CD9: variants seen among roughly 807,000 people sequenced by gnomAD.
CD9 encodes CD9 molecule.
Under a neutral mutation model 31.4 loss-of-function variants are expected in CD9, and 10 were observed. The observed-to-expected ratio is 0.32, with a 90% confidence interval of 0.20 to 0.54. The LOEUF is 0.54. Ranked by LOEUF, CD9 falls within the 20% of genes least tolerant of loss-of-function variation. The pLI, the probability that CD9 is intolerant of heterozygous loss-of-function variation, is 0.94. For synonymous variants in CD9, 113 were observed against 114.1 expected (o/e 0.99, Z 0.06); for missense variants, 259 against 300.1 (o/e 0.86, Z 1.01).
intron 1 of CD9, among the ~76,000 whole-genome samples, chr12:6,201,994 C>T (rs797775): frequency 0.4 from 60,598 of 151,992 alleles, 12,810 homozygotes; most frequent in Admixed American, 0.52. Flanking sequence ...GTCATGATTG[C>T]ACCACTGCAC....
At chr12:6,236,055 C>A in intron 6 of CD9, 137 bp from the exon 7 acceptor site, 2 of 1,457,880 alleles carry the variant, frequency 1.4e-6, no homozygotes, top group South Asian at 2.9e-5. Context: ...CAGAACTTCT[C>A]TTATCCCCGA....
chr12:6,200,768 G>A (rs865991183), intron 1 of CD9: 1 of 463,510 alleles, frequency 2.2e-6, no homozygotes, highest in Non-Finnish European at 3.8e-6. Context: ...GGGCGCATTC[G>A]GGTGGGGGCT....
intron 4 of CD9, among the ~76,000 whole-genome samples, chr12:6,233,873 T>C (rs551643304): frequency 6.6e-6 from 1 of 151,194 alleles, no homozygotes; most frequent in South Asian, 2.1e-4. Context: ...ATAAATAACA[T>C]GTTCAAGTGC....
At chr12:6,235,924 C>A (rs539925507) in intron 6 of CD9, 1 of 1,391,982 alleles carries the variant, frequency 7.2e-7, no homozygotes, top group Non-Finnish European at 9.3e-7. Flanking sequence ...GGTGACCTTA[C>A]AACCATGTCA....
chr12:6,225,727 T>C, intron 2 of CD9, 193 bp downstream of exon 2: 1 of 582,878 alleles, frequency 1.7e-6, no homozygotes, highest in Non-Finnish European at 3.1e-6. Flanking sequence ...TGCGTTTAAC[T>C]GATGTGGTTT....
At chr12:6,214,602 C>G (rs1174683740) in intron 1 of CD9, among the ~76,000 whole-genome samples, 3 of 152,100 alleles carry the variant, frequency 2.0e-5, no homozygotes, top group African/African-American at 7.2e-5. Context: ...GCCCCCCTCT[C>G]AGCCTCCCAA....
At chr12:6,212,558 G>GC (rs1946203997) in intron 1 of CD9, among the ~76,000 whole-genome samples, 1 of 152,174 alleles carries the variant, frequency 6.6e-6, no homozygotes, top group Non-Finnish European at 1.5e-5. Flanking sequence ...CCACCCAGGA[G>GC]CCCCCCAGCT....
At chr12:6,215,862 A>G (rs10774418) in intron 1 of CD9, among the ~76,000 whole-genome samples, 17,222 of 152,164 alleles carry the variant, frequency 0.11, 1,134 homozygotes, top group African/African-American at 0.19. Flanking sequence ...AGTCGTGGCA[A>G]TTTCTTCTGC....
intron 1 of CD9, among the ~76,000 whole-genome samples, chr12:6,219,693 G>A (rs1049392806): frequency 2.6e-5 from 4 of 151,868 alleles, no homozygotes; most frequent in Non-Finnish European, 4.4e-5. Flanking sequence ...CATCATGTTA[G>A]CCAGGATGGT....
At chr12:6,218,567 G>A (rs1054848236) in intron 1 of CD9, among the ~76,000 whole-genome samples, 2 of 152,196 alleles carry the variant, frequency 1.3e-5, no homozygotes, top group African/African-American at 4.8e-5. Flanking sequence ...TGCACACTTG[G>A]CATAGAGTCC....
chr12:6,223,336 A>G (rs2136621923), intron 1 of CD9, among the ~76,000 whole-genome samples: 1 of 149,098 alleles, frequency 6.7e-6, no homozygotes, highest in South Asian at 2.1e-4. Flanking sequence ...ATCTCCGCTC[A>G]CTGCAAGCTC....
At chr12:6,228,204 G>A (rs907679573) in intron 2 of CD9, among the ~76,000 whole-genome samples, 3 of 152,158 alleles carry the variant, frequency 2.0e-5, no homozygotes, top group African/African-American at 7.2e-5. Flanking sequence ...CAGAAGCGCC[G>A]GCAAGGGGGA....
chr12:6,211,984 T>G (rs746769858), intron 1 of CD9, among the ~76,000 whole-genome samples: 16 of 152,176 alleles, frequency 1.1e-4, no homozygotes, highest in Non-Finnish European at 1.9e-4. Context: ...GACTTTGTCC[T>G]TGAAAGGAGG....
intron 1 of CD9, among the ~76,000 whole-genome samples, chr12:6,211,647 G>C (rs76143147): frequency 6.6e-6 from 1 of 152,172 alleles, no homozygotes; most frequent in East Asian, 1.9e-4. Flanking sequence ...CAGACAGCTC[G>C]GCGAGGCATA....
At chr12:6,209,713 C>G (rs996804091) in intron 1 of CD9, among the ~76,000 whole-genome samples, 1 of 136,282 alleles carries the variant, frequency 7.3e-6, no homozygotes, top group African/African-American at 2.8e-5. Flanking sequence ...GAGATGGAGT[C>G]TCATTCTGTT....
At chr12:6,222,803 C>T (rs1026134093) in intron 1 of CD9, among the ~76,000 whole-genome samples, 17 of 152,226 alleles carry the variant, frequency 1.1e-4, no homozygotes, top group African/African-American at 1.9e-4. Flanking sequence ...CCCAGAGAGA[C>T]GCAGCTCCTG....
intron 3 of CD9, 88 bp from the exon 4 acceptor site, chr12:6,233,324 G>T: frequency 1.1e-6 from 1 of 936,212 alleles, no homozygotes; most frequent in Non-Finnish European, 1.8e-6. Context: ...CCAGGGAGTT[G>T]TCCTTCTTCC....
chr12:6,205,509 C>A (rs985933463), intron 1 of CD9, among the ~76,000 whole-genome samples: 1 of 152,176 alleles, frequency 6.6e-6, no homozygotes, highest in Non-Finnish European at 1.5e-5. Flanking sequence ...GAGCCCTCTG[C>A]GGCTGCTGGG....
intron 1 of CD9, among the ~76,000 whole-genome samples, chr12:6,211,723 A>G (rs1946196236): frequency 6.6e-6 from 1 of 152,244 alleles, no homozygotes; most frequent in Non-Finnish European, 1.5e-5. Context: ...AATCCCCCAC[A>G]TCAGATGATT....
Sources: allele counts gnomAD v4.1 joint callset (sites outside exome capture counted in the v4.1 genomes callset), GRCh38; gene constraint gnomAD v4.1.1; transcripts MANE v1.5; gene names NCBI Gene and HGNC (gene_info 2026-07-23, HGNC 2026-07-21).